Variants in NOX4 observed in about 807,000 individuals in gnomAD.
NOX4 encodes the protein NADPH oxidase 4, also known as kidney oxidase-1.
A neutral mutation model predicts 87.6 loss-of-function variants in NOX4; 69 were observed. That is an observed-to-expected ratio of 0.79 (90% CI 0.65 to 0.96). The LOEUF (loss-of-function observed/expected upper bound fraction) is 0.96. NOX4 is among the 40% of genes least tolerant of loss of function. The pLI, the probability that NOX4 is intolerant of heterozygous loss-of-function variation, is 0.00. For synonymous variants in NOX4, 275 were observed against 238.2 expected (o/e 1.15, Z -1.42); for missense variants, 680 against 681.5 (o/e 1.00, Z 0.02).
chr11:89,369,036 A>T (rs1038870318), intron 12 of NOX4, among the ~76,000 whole-genome samples: 1 of 152,090 alleles, frequency 6.6e-6, no homozygotes, highest in Non-Finnish European at 1.5e-5. Flanking sequence ...AGCTATTTTA[A>T]ACCTGTTCTT....
intron 8 of NOX4, among the ~76,000 whole-genome samples, chr11:89,420,626 C>T (rs1943031881): frequency 6.6e-6 from 1 of 152,020 alleles, no homozygotes; most frequent in African/African-American, 2.4e-5. Flanking sequence ...GCCAAAGCAA[C>T]AGTTTGAATA....
chr11:89,549,761 T>C, the NOX4 span, among the ~76,000 whole-genome samples: 1 of 152,172 alleles, frequency 6.6e-6, no homozygotes, highest in Admixed American at 6.6e-5. Context: ...TGTTCCTGGG[T>C]TAGTTTGCAG....
chr11:89,415,340 GA>G (rs112368212), intron 8 of NOX4, among the ~76,000 whole-genome samples: 2 of 151,578 alleles, frequency 1.3e-5, no homozygotes. Flanking sequence ...CTTCATGGAA[GA>G]AAAAAAATGC....
rs1289702342 is a variant in NOX4, at chr11:89,326,707, G to C, written c.*49C>G. Reference sequence around the variant, plus strand: ...GATTCCGCTGAGTTTCAAAGTCTTAGAAATTGCACTCATTCCTTCTTTAGA... The same window carrying C: ...GATTCCGCTGAGTTTCAAAGTCTTACAAATTGCACTCATTCCTTCTTTAGA... On this transcript the variant is annotated 3_prime_UTR_variant, in exon 18 of 18. Coordinates refer to ENST00000263317, the MANE Select transcript of NOX4 (RefSeq NM_016931.5). The C allele has an allele frequency of 6.4e-7, 1 of 1,567,814 alleles. No homozygotes were observed.
At chr11:89,347,234 C>T (rs772198661) in intron 13 of NOX4, among the ~76,000 whole-genome samples, 1 of 152,204 alleles carries the variant, frequency 6.6e-6, no homozygotes, top group East Asian at 1.9e-4. Flanking sequence ...CCTGACTAAT[C>T]TAAGCAGAGC....
chr11:89,521,453 T>C, the NOX4 span, among the ~76,000 whole-genome samples: 2 of 152,044 alleles, frequency 1.3e-5, no homozygotes, highest in Non-Finnish European at 2.9e-5. Context: ...ATTCAATAAA[T>C]GGTGCTGGAA....
At chr11:89,565,792 C>T in the NOX4 span, among the ~76,000 whole-genome samples, 1 of 151,138 alleles carries the variant, frequency 6.6e-6, no homozygotes, top group Non-Finnish European at 1.5e-5. Context: ...ATGATTATTG[C>T]ATTTTATCAC....
At chr11:89,443,030 G>A (rs1300015780) in intron 5 of NOX4, among the ~76,000 whole-genome samples, 1 of 152,138 alleles carries the variant, frequency 6.6e-6, no homozygotes, top group African/African-American at 2.4e-5. Context: ...GCTGTCACTG[G>A]CCTGCTAAGG....
chr11:89,509,675 G>A, the NOX4 span, among the ~76,000 whole-genome samples: 2 of 151,976 alleles, frequency 1.3e-5, no homozygotes, highest in Admixed American at 6.6e-5. Context: ...TATCAGAGAA[G>A]AAATTAATCA....
At chr11:89,398,879 G>C (rs1282473971) in intron 11 of NOX4, among the ~76,000 whole-genome samples, 2 of 151,790 alleles carry the variant, frequency 1.3e-5, no homozygotes, top group Non-Finnish European at 2.9e-5. Context: ...GGCACATACA[G>C]TAATATGGAA....
intron 8 of NOX4, among the ~76,000 whole-genome samples, chr11:89,406,981 A>G (rs1295974095): frequency 6.6e-6 from 1 of 152,104 alleles, no homozygotes; most frequent in East Asian, 1.9e-4. Flanking sequence ...TGGCATTCCA[A>G]TATGAGGAAG....
chr11:89,497,959 T>G (rs997887963), intron 1 of NOX4: 4 of 152,234 alleles, frequency 2.6e-5, no homozygotes, highest in African/African-American at 9.6e-5. Flanking sequence ...ACATTTCCAT[T>G]TATGTGTATG....
intron 2 of NOX4, chr11:89,489,004 T>C: frequency 2.8e-6 from 2 of 702,326 alleles, no homozygotes; most frequent in South Asian, 3.0e-5. Context: ...CTGGATTGGA[T>C]GGATGAAAGA....
intron 11 of NOX4, among the ~76,000 whole-genome samples, chr11:89,397,969 G>T (rs10830268): frequency 1.3e-4 from 20 of 151,872 alleles, no homozygotes; most frequent in Middle Eastern, 3.4e-3. Flanking sequence ...CATTTTATGA[G>T]GCCAGCACCA....
At chr11:89,494,507 T>C (rs1946926513), upstream of NOX4, among the ~76,000 whole-genome samples, 1 of 152,222 alleles carries the variant, frequency 6.6e-6, no homozygotes, top group Non-Finnish European at 1.5e-5. Flanking sequence ...ACAAAAATCC[T>C]GTCTTACTCC....
At chr11:89,503,557 A>C in the NOX4 span, among the ~76,000 whole-genome samples, 1 of 151,848 alleles carries the variant, frequency 6.6e-6, no homozygotes, top group African/African-American at 2.4e-5. Flanking sequence ...AGGTTGTGAG[A>C]TTGAAAATGC....
At chr11:89,413,427 C>A (rs1196726251) in intron 8 of NOX4, among the ~76,000 whole-genome samples, 2 of 152,094 alleles carry the variant, frequency 1.3e-5, no homozygotes, top group Non-Finnish European at 2.9e-5. Context: ...TTGAAGCAAC[C>A]TAAGTGTCCA....
At chr11:89,491,120 C>G in intron 1 of NOX4, 70 bp downstream of exon 1, 2 of 1,457,518 alleles carry the variant, frequency 1.4e-6, no homozygotes, top group Non-Finnish European at 1.9e-6. Context: ...CACCCGTGCA[C>G]GCTCAGAGAA....
chr11:89,541,686 G>A, the NOX4 span, among the ~76,000 whole-genome samples: 1 of 151,888 alleles, frequency 6.6e-6, no homozygotes, highest in Non-Finnish European at 1.5e-5. Flanking sequence ...TACAGAAAAT[G>A]CACTTTAAAA....
Sources: allele counts gnomAD v4.1 joint callset (sites outside exome capture counted in the v4.1 genomes callset), GRCh38; gene constraint gnomAD v4.1.1; transcripts MANE v1.5; gene names NCBI Gene and HGNC (gene_info 2026-07-23, HGNC 2026-07-21).